APC2: variants seen among roughly 807,000 people sequenced by gnomAD.
APC2 encodes the protein APC regulator of Wnt signaling pathway 2.
APC2 carries 41 observed loss-of-function variants against 72.5 expected under a neutral mutation model. The ratio of observed to expected loss-of-function variants is 0.57; its 90% CI spans 0.44 to 0.73. APC2 has a LOEUF of 0.73. APC2 is among the 30% of genes least tolerant of loss of function. The pLI is 0.00. For missense variants in APC2, 3,729 were observed against 3,403.4 expected, an observed-to-expected ratio of 1.10 and a Z score of -2.38; for synonymous variants, 1,898 against 1,612.0, an observed-to-expected ratio of 1.18 and a Z score of -4.25.
At position 1,458,628 on chromosome 19, in the gene APC2, CAGG is replaced by C. The variant is rs141256094; in HGVS notation, c.1303+572_1303+574del. 446 of 155,574 alleles carry C rather than the reference CAGG, an allele frequency of 2.9e-3. 6 individuals are homozygous for C. Among genetic ancestry groups the C allele is most frequent in the African/African-American group, 0.01 (436 of 41,548 alleles). 9.6% of individuals were successfully genotyped at this position (155,574 alleles called of 1,614,324 possible). A position where few individuals can be genotyped will look rare whatever the true frequency, so the allele number is the denominator to read the frequency against. On this transcript the variant is annotated intron_variant, in intron 10 of 14. Transcript: ENST00000590469. ...CTGAGGTGGGAGGATCTCTTGAGCC[CAGG>C]AGGTTAAAGGTGCAAGGAGCTATGA...
At chr19:1,457,608 G>C in intron 9 of APC2, 1 of 502,162 alleles carries the variant, frequency 2.0e-6, no homozygotes. Flanking sequence ...AGAAGCAGGA[G>C]AATTGCTTGA....
intron 1 of APC2, 113 bp downstream of exon 1, chr19:1,450,451 C>T (rs987171055): frequency 9.4e-6 from 8 of 850,052 alleles, no homozygotes; most frequent in Non-Finnish European, 1.4e-6. Context: ...TCCATTTCCC[C>T]AGAGTGGGAG....
chr19:1,448,830 C>T (rs1230678756), upstream of APC2, among the ~76,000 whole-genome samples: 2 of 137,066 alleles, frequency 1.5e-5, no homozygotes, highest in Non-Finnish European at 3.1e-5. Context: ...GGCTACAGAG[C>T]AAGACTCCGT....
chr19:1,453,482 C>A lies in APC2; in HGVS notation c.284C>A (p.Thr95Asn). The A allele has an allele frequency of 2.5e-6, 4 of 1,604,818 alleles. No individual in the cohort carries two copies. The highest frequency in any genetic ancestry group is 3.4e-6 in the Non-Finnish European group (4 of 1,174,430). Residue 95 changes from threonine (T) to asparagine (N), a missense_variant, in exon 4 of 15, where the codon ACC (threonine) becomes AAC (asparagine). Physicochemically the swap from Thr to Asn is moderately conservative, Grantham distance 65 (BLOSUM62 0). Coordinates refer to ENST00000590469, the MANE Select transcript of APC2 (RefSeq NM_005883.3). ...SLYNLKFQPPTLGPEPAARTP... is the reference protein window; with the variant it reads ...SLYNLKFQPPNLGPEPAARTP... ...TACAACCTCAAGTTCCAGCCGCCCA[C>A]CCTGGGCCCGGAGCCTGCCGCCCGG...
intron 14 of APC2, among the ~76,000 whole-genome samples, chr19:1,462,771 C>G (rs1478479184): frequency 1.5e-5 from 2 of 137,904 alleles, no homozygotes; most frequent in Non-Finnish European, 3.1e-5. Context: ...GAGATCGAGA[C>G]CATCCTGCCT....
chr19:1,460,884 T>C, intron 12 of APC2, 27 bp downstream of exon 12: 1 of 1,612,282 alleles, frequency 6.2e-7, no homozygotes, highest in South Asian at 1.1e-5. Context: ...TGGGAAAGCC[T>C]TCCAGGGTGT....
At chr19:1,457,381 G>C (rs2083851125) in intron 9 of APC2, 138 bp downstream of exon 9, 1 of 1,240,208 alleles carries the variant, frequency 8.1e-7, no homozygotes, top group Non-Finnish European at 1.1e-6. Flanking sequence ...CTCCGGCCGA[G>C]GCCTGTGGGG....
chr19:1,452,878 G>C lies in APC2; in HGVS notation c.-18-106G>C. 1 of 1,370,142 alleles carries C rather than the reference G, an allele frequency of 7.3e-7. No homozygotes were observed. The highest frequency in any genetic ancestry group is 9.8e-7 in the Non-Finnish European group (1 of 1,021,074). The allele number at this position is 1,370,142 out of a possible 1,614,324, so 84.9% of individuals were successfully genotyped here. ...CCTGCCTGAGACCCCCCCCAACCCA[G>C]GATCAGGCAGGACGGCTGGGGCTTA... On this transcript the variant is annotated intron_variant, in intron 1 of 14. Coordinates refer to ENST00000590469, the MANE Select transcript of APC2 (RefSeq NM_005883.3). This position sits in a 1 kb window ranked among gnomAD's most constrained non-coding sequence, Gnocchi z 5.1.
rs201387467 is a variant in APC2, at chr19:1,466,100, C to A, written c.2799C>A (p.Ser933Arg). ...ACAGCCTCAACAGCGGCAGTGCCAGCGACGGGTACTGCCCACGCGAACATA... is the reference window on the plus strand; with the variant it reads ...ACAGCCTCAACAGCGGCAGTGCCAGAGACGGGTACTGCCCACGCGAACATA... The part of the protein sequence containing the change: ...SNDSLNSGSA[S>R]DGYCPREHML... Residue 933 changes from serine to arginine, a missense_variant, in exon 15 of 15, where the codon AGC (serine) becomes AGA (arginine). Coordinates refer to ENST00000590469, the MANE Select transcript of APC2 (RefSeq NM_005883.3). The A allele has an allele frequency of 6.5e-7, 1 of 1,542,944 alleles. No homozygotes were observed. The highest frequency in any genetic ancestry group is 2.4e-5 in the East Asian group (1 of 41,414).
rs771810343 is a variant in APC2 at position 1,468,914 on chromosome 19, C to T, written c.5613C>T (p.Thr1871=). The change falls in exon 15 of 15, where the codon ACC becomes ACT. Residue 1871 remains threonine (T), a synonymous_variant. Transcript: ENST00000590469. Reference sequence around the variant, plus strand: ...CACCGCCCGCCCGCCTCGCCAAGACCCCCTCCTCCAGCTCCTCCCAGACCT... The same window carrying T: ...CACCGCCCGCCCGCCTCGCCAAGACTCCCTCCTCCAGCTCCTCCCAGACCT... ...SATPPARLAK[T]PSSSSSQTSP... The T allele has an allele frequency of 6.5e-7, 1 of 1,531,644 alleles. No individual in the cohort carries two copies. Among genetic ancestry groups the T allele is most frequent in the Non-Finnish European group, 8.7e-7 (1 of 1,146,876 alleles). The allele number at this position is 1,531,644 out of a possible 1,614,324, so 94.9% of individuals were successfully genotyped here. A position where few individuals can be genotyped will look rare whatever the true frequency, so the allele number is the denominator to read the frequency against.
At chr19:1,457,796 C>CCCCAT in intron 9 of APC2, 169 bp from the exon 10 acceptor site, 1 of 645,822 alleles carries the variant, frequency 1.5e-6, no homozygotes, top group South Asian at 1.8e-5. Flanking sequence ...AGAGAGGCCA[C>CCCCAT]CCCATCATCC....
chr19:1,453,856 C>T lies in APC2; in HGVS notation c.413+245C>T, dbSNP rs150047612. Among the ~76,000 whole-genome samples, 856 of 152,324 alleles carry T rather than the reference C, an allele frequency of 5.6e-3. 11 individuals carry two copies. Among genetic ancestry groups the T allele is most frequent in the African/African-American group, 0.02 (812 of 41,570 alleles). ...AGTTCAGAGAGGATGGGGGACGTTCCTGGCTGAGGGAAAGGCTCCTTGGAG... is the reference window on the plus strand; with the variant it reads ...AGTTCAGAGAGGATGGGGGACGTTCTTGGCTGAGGGAAAGGCTCCTTGGAG... On this transcript the variant is annotated intron_variant, in intron 4 of 14. Coordinates refer to ENST00000590469, the MANE Select transcript of APC2 (RefSeq NM_005883.3).
upstream of APC2, chr19:1,446,412 G>A (rs2083687982): frequency 2.1e-6 from 2 of 970,402 alleles, no homozygotes; most frequent in Admixed American, 6.2e-5. The surrounding 1 kb of genome is among the most constrained non-coding windows in gnomAD (Gnocchi z 6.1). Flanking sequence ...TCCACACCGC[G>A]GGAACAGCGG....
Position 1,457,212 on chromosome 19 carries a change from C to G in APC2, c.1176C>G (p.Asp392Glu), listed in dbSNP as rs758392008. The change falls in exon 9 of 15, where the codon GAC becomes GAG. Residue 392 changes from aspartate to glutamate, a missense_variant. Asp to Glu is a conservative substitution (Grantham distance 45, BLOSUM62 2). Coordinates refer to ENST00000590469, the MANE Select transcript of APC2 (RefSeq NM_005883.3). ...GCTGGGACTGGCTGCAGGCCCGAGA[C>G]GGCGGGCCCGAGGGAGGTGGCGCCG... ...ETCWDWLQAR[D>E]GGPEGGGAGS... The G allele has an allele frequency of 2.6e-6, 4 of 1,546,818 alleles. No homozygotes were observed. In the East Asian group the frequency reaches 9.8e-5, roughly 38 times the overall value.
rs372725713 is a variant in APC2, at chr19:1,461,650, A to G, written c.1639-313A>G. On this transcript the variant is annotated intron_variant, in intron 13 of 14. Transcript: ENST00000590469. ...GGCGGATCACAAGGTCAGGAGATCGAGACCATCCTGGCTAACACGGTGAAA... is the reference window on the plus strand; with the variant it reads ...GGCGGATCACAAGGTCAGGAGATCGGGACCATCCTGGCTAACACGGTGAAA... 2.2e-5 allele frequency: 8 copies of G among 368,240 alleles called. No individual in the cohort carries two copies. The South Asian group carries it at 2.2e-4, about 10-fold the overall frequency. 22.8% of individuals were successfully genotyped at this position (368,240 alleles called of 1,614,324 possible). A position where few individuals can be genotyped will look rare whatever the true frequency, so the allele number is the denominator to read the frequency against.
Position 1,453,622 on chromosome 19 carries a change from G to C in APC2, c.413+11G>C, listed in dbSNP as rs199926010. The C allele has an allele frequency of 5.0e-6, 8 of 1,586,964 alleles. No homozygotes were observed. Among genetic ancestry groups the C allele is most frequent in the Non-Finnish European group, 8.6e-7 (1 of 1,167,462 alleles). On this transcript the variant is annotated intron_variant, in intron 4 of 14. Coordinates refer to ENST00000590469, the MANE Select transcript of APC2 (RefSeq NM_005883.3). ...ACTGGACCGGGAACGGTGAGTGGGCGTGGGAACCCAGCCTCGGGCAGCTGG... is the reference window on the plus strand; with the variant it reads ...ACTGGACCGGGAACGGTGAGTGGGCCTGGGAACCCAGCCTCGGGCAGCTGG...
intron 14 of APC2, among the ~76,000 whole-genome samples, chr19:1,463,786 C>A (rs2083963559): frequency 6.6e-6 from 1 of 151,784 alleles, no homozygotes; most frequent in South Asian, 2.1e-4. Flanking sequence ...TAACTGTCTT[C>A]ATTAAAATAT....
Position 1,455,246 on chromosome 19 carries a change from C to T in APC2, c.511C>T (p.His171Tyr), listed in dbSNP as rs760020769. The T allele has an allele frequency of 9.7e-5, 153 of 1,575,030 alleles. No individual in the cohort carries two copies. Among genetic ancestry groups the T allele is most frequent in the Non-Finnish European group, 1.3e-4 (152 of 1,166,058 alleles). The change falls in exon 5 of 15, where the codon CAC becomes TAC. Residue 171 changes from histidine to tyrosine, a missense_variant. His to Tyr is a moderately conservative substitution (Grantham distance 83, BLOSUM62 2). Transcript: ENST00000590469. Reference protein sequence around the residue: ...GLSKRLDELPHVETQFSMQMD... With the variant: ...GLSKRLDELPYVETQFSMQMD... ...GTCCAAGCGCCTGGACGAGCTGCCG[C>T]ACGTGGAGACGGTGAGCCGGCCGGG...
At position 1,469,156 on chromosome 19, in the gene APC2, G is replaced by T; in HGVS notation, c.5855G>T (p.Gly1952Val). ...CTGGCTCGGGCAGTCCCGGAGCCGG[G>T]CCCCAGGGGCCGGGCGGGGACCGAG... ...PPLARAVPEP[G>V]PRGRAGTEAG... The change falls in exon 15 of 15, where the codon GGC (glycine) becomes GTC (valine). Residue 1952 changes from glycine to valine, a missense_variant. Coordinates refer to ENST00000590469, the MANE Select transcript of APC2 (RefSeq NM_005883.3). 3 of 1,280,474 alleles carry T rather than the reference G, an allele frequency of 2.3e-6. No homozygotes were observed. The highest frequency in any genetic ancestry group is 3.0e-6 in the Non-Finnish European group (3 of 1,013,618). 79.3% of individuals were successfully genotyped at this position (1,280,474 alleles called of 1,614,324 possible). A position where few individuals can be genotyped will look rare whatever the true frequency, so the allele number is the denominator to read the frequency against.
Sources: allele counts gnomAD v4.1 joint callset (sites outside exome capture counted in the v4.1 genomes callset), GRCh38; gene constraint gnomAD v4.1.1; non-coding constraint Gnocchi (gnomAD v3.1); transcripts MANE v1.5; gene names NCBI Gene and HGNC (gene_info 2026-07-23, HGNC 2026-07-21).